Variants in BUB1B observed in about 807,000 individuals in gnomAD.
BUB1B encodes the protein mitotic checkpoint serine/threonine-protein kinase BUB1 beta.
BUB1B carries 86 observed loss-of-function variants against 137.7 expected under a neutral mutation model. The ratio of observed to expected loss-of-function variants is 0.62; its 90% CI spans 0.52 to 0.75. The LOEUF (loss-of-function observed/expected upper bound fraction) is 0.75, where lower values mean the gene tolerates loss of function less well. Ranked by LOEUF, BUB1B falls within the 30% of genes least tolerant of loss-of-function variation. The pLI, the probability that BUB1B is intolerant of heterozygous loss-of-function variation, is 0.00. For synonymous variants in BUB1B, 420 were observed against 417.9 expected (o/e 1.00, Z -0.06); for missense variants, 1,130 against 1,236.9 (o/e 0.91, Z 1.30).
In BUB1B at chr15:40,220,555, T is replaced by C. The variant is rs1474427927; in HGVS notation, c.2958-9T>C. The C allele has an allele frequency of 6.2e-7, 1 of 1,613,934 alleles. No homozygotes were observed. The highest frequency in any genetic ancestry group is 8.5e-7 in the Non-Finnish European group (1 of 1,179,788). On this transcript the variant is annotated splice_polypyrimidine_tract_variant and intron_variant, in intron 22 of 22. Transcript: ENST00000287598. ...TAATCTTGATGGAAATGGTTTTATA[T>C]ATTTTTAGGCTAAAAGATGGTGAAT...
In BUB1B at chr15:40,217,634, A is replaced by G. The variant is rs777802023; in HGVS notation, c.2817A>G (p.Gln939=). Residue 939 remains glutamine (Q), a synonymous_variant, in exon 21 of 23, where the codon CAA becomes CAG. Coordinates refer to ENST00000287598, the MANE Select transcript of BUB1B (RefSeq NM_001211.6). ...GFRTVQILEG[Q]KILANCSSPY... ...GGACTGTACAGATCCTGGAAGGACA[A>G]AAGATCCTGGCTAACTGTTCTTCTC... is the stretch of plus-strand genomic sequence containing the variant. 4.0e-5 allele frequency: 65 copies of G among 1,614,094 alleles called. No individual in the cohort carries two copies. The highest frequency in any genetic ancestry group is 4.8e-5 in the Non-Finnish European group (57 of 1,180,044).
Position 40,196,892 on chromosome 15 carries a change from G to T in BUB1B, c.1288+118G>T, listed in dbSNP as rs1204921851. 5 of 903,482 alleles carry T rather than the reference G, an allele frequency of 5.5e-6. No homozygotes were observed. The African/African-American group carries it at 6.7e-5, about 12-fold the overall frequency. 56.0% of individuals were successfully genotyped at this position (903,482 alleles called of 1,614,324 possible). ...TTGTACCTTTGTATGATGTTTCTAT[G>T]GTAGTACTGTTTCTTTCTGTGTATC... On this transcript the variant is annotated intron_variant, in intron 9 of 22. Coordinates refer to ENST00000287598, the MANE Select transcript of BUB1B (RefSeq NM_001211.6).
intron 4 of BUB1B, among the ~76,000 whole-genome samples, chr15:40,175,932 A>G (rs1209937315): frequency 6.6e-6 from 1 of 152,046 alleles, no homozygotes; most frequent in Non-Finnish European, 1.5e-5. Context: ...CTCAAATGTT[A>G]ACCCCTTCCT....
intron 1 of BUB1B, 80 bp downstream of exon 1, chr15:40,161,335 A>ATT: frequency 6.6e-7 from 1 of 1,511,214 alleles, no homozygotes; most frequent in Non-Finnish European, 9.0e-7. Context: ...CGCTCGGAGC[A>ATT]GTCGAGGGGG....
intron 16 of BUB1B, 93 bp downstream of exon 16, chr15:40,208,863 C>A: frequency 7.7e-7 from 1 of 1,297,278 alleles, no homozygotes; most frequent in Non-Finnish European, 1.1e-6. Context: ...GAGACAGGGT[C>A]TCACTCTGTC....
intron 5 of BUB1B, among the ~76,000 whole-genome samples, chr15:40,178,029 AT>A (rs56286727): frequency 0.24 from 34,464 of 145,820 alleles, 4,817 homozygotes; most frequent in Non-Finnish European, 0.31. Flanking sequence ...TTTTGGGTTC[AT>A]TTCATTGATT....
At chr15:40,171,576 T>C (rs1434115580) in intron 4 of BUB1B, among the ~76,000 whole-genome samples, 2 of 152,046 alleles carry the variant, frequency 1.3e-5, no homozygotes, top group Non-Finnish European at 1.5e-5. Flanking sequence ...AAAAACATAA[T>C]TGGGCCATTC....
rs1397324812 is a variant in BUB1B, at chr15:40,200,979, A to G, written c.1566A>G (p.Lys522=). ...TTTGGCAGGAACAACCTCATTCTAA[A>G]GGTGAGTTGTATTTGACAGCCTTGA... ...ENIWQEQPHS[K]GPSVPFSIFD... is the part of the protein sequence containing the mutation. Residue 522 remains lysine (K), a splice_region_variant and synonymous_variant, in exon 12 of 23, where the codon AAA becomes AAG. Transcript: ENST00000287598. 6.2e-7 allele frequency: 1 copy of G among 1,613,046 alleles called. No homozygotes were observed. Among genetic ancestry groups the G allele is most frequent in the South Asian group, 1.1e-5 (1 of 90,976 alleles).
chr15:40,190,767 T>G (rs2037426664), intron 8 of BUB1B, among the ~76,000 whole-genome samples: 1 of 152,200 alleles, frequency 6.6e-6, no homozygotes, highest in African/African-American at 2.4e-5. Flanking sequence ...ACAGCTGATC[T>G]GATACGAGTC....
At chr15:40,202,215 C>T (rs147551370) in intron 12 of BUB1B, among the ~76,000 whole-genome samples, 190 bp from the exon 13 acceptor site, 1 of 152,204 alleles carries the variant, frequency 6.6e-6, no homozygotes, top group Non-Finnish European at 1.5e-5. Flanking sequence ...CTAAATGGAA[C>T]AAGATCATCT....
intron 1 of BUB1B, 52 bp downstream of exon 1, chr15:40,161,307 G>A: frequency 6.3e-7 from 1 of 1,586,198 alleles, no homozygotes; most frequent in Non-Finnish European, 8.6e-7. Context: ...ACACGGCCTG[G>A]TAGGTAATAG....
At chr15:40,165,342 A>C in intron 2 of BUB1B, 146 bp downstream of exon 2, 1 of 1,032,088 alleles carries the variant, frequency 9.7e-7, no homozygotes, top group Non-Finnish European at 1.5e-6. Context: ...CTTTCGTATC[A>C]CATGACAGCT....
Position 40,217,601 on chromosome 15 carries a change from C to A in BUB1B, c.2784C>A (p.Ser928Arg), listed in dbSNP as rs139066741. Residue 928 changes from serine to arginine, a missense_variant, in exon 21 of 23, where the codon AGC becomes AGA. Physicochemically the swap from Ser to Arg is moderately radical, Grantham distance 110. Transcript: ENST00000287598. ...TGCAGCTGGATGTTTTTACCCTCAG[C>A]GGCTTTCGGACTGTACAGATCCTGG... ...LRVQLDVFTL[S>R]GFRTVQILEG... 4 of 1,614,128 alleles carry A rather than the reference C, an allele frequency of 2.5e-6. No individual in the cohort carries two copies. The highest frequency in any genetic ancestry group is 3.4e-6 in the Non-Finnish European group (4 of 1,180,024).
chr15:40,216,074 C>A (rs2037777077), intron 20 of BUB1B, among the ~76,000 whole-genome samples: 1 of 152,044 alleles, frequency 6.6e-6, no homozygotes, highest in Non-Finnish European at 1.5e-5. Flanking sequence ...AGGGCTAGGA[C>A]ACCTTCATGC....
In BUB1B at chr15:40,208,715, C is replaced by G. The variant is rs2037669041; in HGVS notation, c.2088C>G (p.Ser696=). Residue 696 remains serine, a synonymous_variant, in exon 16 of 23, where the codon TCC becomes TCG. Coordinates refer to ENST00000287598, the MANE Select transcript of BUB1B (RefSeq NM_001211.6). ...CTTCTGCCTCGGTTGCAAGCACCTC[C>G]TCCATCAAATGTCTTCAAATTCCTG... ...SGSSASVAST[S]SIKCLQIPEK... 6.2e-7 allele frequency: 1 copy of G among 1,613,776 alleles called. No individual in the cohort carries two copies. The highest frequency in any genetic ancestry group is 8.5e-7 in the Non-Finnish European group (1 of 1,179,640).
intron 2 of BUB1B, among the ~76,000 whole-genome samples, chr15:40,165,699 C>T (rs2037087442): frequency 1.3e-5 from 2 of 151,988 alleles, no homozygotes; most frequent in African/African-American, 4.8e-5. Flanking sequence ...TTAACTAATA[C>T]ATGTTTTGAT....
intron 5 of BUB1B, among the ~76,000 whole-genome samples, chr15:40,181,922 G>C (rs997071287): frequency 6.6e-6 from 1 of 152,174 alleles, no homozygotes; most frequent in Non-Finnish European, 1.5e-5. Flanking sequence ...AAAATCTCCA[G>C]GCTGGGCACA....
intron 8 of BUB1B, among the ~76,000 whole-genome samples, chr15:40,189,522 G>A (rs2037411336): frequency 6.6e-6 from 1 of 152,170 alleles, no homozygotes; most frequent in Non-Finnish European, 1.5e-5. Flanking sequence ...GTTCATCCAC[G>A]TTGTGACATG....
chr15:40,193,468 CTTTTTTTTTTTTT>C (rs555918648), intron 8 of BUB1B, among the ~76,000 whole-genome samples: 4 of 79,738 alleles, frequency 5.0e-5, no homozygotes, highest in Admixed American at 1.6e-4. Context: ...CTTATTACCA[CTTTTTTTTTTTTT>C]TTTTTTTTTT....
Sources: allele counts gnomAD v4.1 joint callset (sites outside exome capture counted in the v4.1 genomes callset), GRCh38; gene constraint gnomAD v4.1.1; transcripts MANE v1.5; gene names NCBI Gene and HGNC (gene_info 2026-07-23, HGNC 2026-07-21).